Variants in SAMD9L observed in about 807,000 individuals in gnomAD.
SAMD9L encodes the protein sterile alpha motif domain containing 9 like.
A neutral mutation model predicts 90.7 loss-of-function variants in SAMD9L; 68 were observed. The ratio of observed to expected loss-of-function variants is 0.75; its 90% confidence interval spans 0.62 to 0.92. The LOEUF is 0.92. Ranked by LOEUF, SAMD9L falls within the 40% of genes least tolerant of loss-of-function variation. SAMD9L has a pLI of 0.00. For synonymous variants in SAMD9L, 640 were observed against 630.1 expected (o/e 1.02, Z -0.23); for missense variants, 1,604 against 1,824.3 (o/e 0.88, Z 2.20).
chr7:93,139,140 G>T (rs1313880248), intron 4 of SAMD9L, among the ~76,000 whole-genome samples: 1 of 152,108 alleles, frequency 6.6e-6, no homozygotes, highest in Non-Finnish European at 1.5e-5. Flanking sequence ...GAGGACACTT[G>T]TGTCCTCAGA....
chr7:93,137,991 T>G (rs960650185), intron 4 of SAMD9L, among the ~76,000 whole-genome samples: 2 of 152,160 alleles, frequency 1.3e-5, no homozygotes, highest in East Asian at 1.9e-4. Context: ...TCTATAGGCA[T>G]GCAACCACTG....
Position 93,131,093 on chromosome 7 carries a change from G to T in SAMD9L, c.*124C>A. The T allele has an allele frequency of 3.3e-6, 2 of 600,710 alleles. No individual in the cohort carries two copies. The highest frequency in any genetic ancestry group is 5.3e-6 in the Non-Finnish European group (2 of 378,636). The allele number at this position is 600,710 out of a possible 1,614,324, so 37.2% of individuals were successfully genotyped here. On this transcript the variant is annotated 3_prime_UTR_variant, in exon 5 of 5. Transcript: ENST00000318238. ...AAAGGCTTGTAATTCATTCAGGGAG[G>T]CAAAAGCAAAATCTGTAATTAGAGG...
In SAMD9L at chr7:93,133,364, CA is replaced by C. The variant is rs779246898; in HGVS notation, c.2607del (p.Phe869LeufsTer5). On this transcript the variant is annotated frameshift_variant, in exon 5 of 5. Transcript: ENST00000318238. LOFTEE classifies it high-confidence loss of function. ...YQLSSKEQRA[F>X]GAKLKEIEKQ... ...TTTTCAATTTCCTTCAGTTTGGCACCAAAAGCTCTTTGTTCCTTGGAAGAAA... is the reference window on the plus strand; with the variant it reads ...TTTTCAATTTCCTTCAGTTTGGCACCAAAGCTCTTTGTTCCTTGGAAGAAA... The C allele has an allele frequency of 3.6e-5, 58 of 1,613,374 alleles. No individual in the cohort carries two copies. In the Admixed American group the frequency reaches 9.3e-4, roughly 26 times the overall value.
Position 93,131,184 on chromosome 7 carries a change from T to G in SAMD9L, c.*33A>C. The G allele has an allele frequency of 8.4e-7, 1 of 1,187,880 alleles. No homozygotes were observed. The highest frequency in any genetic ancestry group is 1.2e-6 in the Non-Finnish European group (1 of 849,348). The allele number at this position is 1,187,880 out of a possible 1,614,324, so 73.6% of individuals were successfully genotyped here. A position where few individuals can be genotyped will look rare whatever the true frequency, so the allele number is the denominator to read the frequency against. ...GAGAATAAAATCATAAAGATATAAA[T>G]AAACGTATTTGAACTACAGGTGATG... On this transcript the variant is annotated 3_prime_UTR_variant, in exon 5 of 5. Transcript: ENST00000318238.
At position 93,134,315 on chromosome 7, in the gene SAMD9L, C is replaced by T. The variant is rs1323955308; in HGVS notation, c.1657G>A (p.Val553Met). Reference sequence around the variant, plus strand: ...ATGAGTGGATCTCCTGGGCTTTCCACTGAAGAGAGTAATAGAAACACTACC... The same window carrying T: ...ATGAGTGGATCTCCTGGGCTTTCCATTGAAGAGAGTAATAGAAACACTACC... ...FLVVFLLLSSVESPGDPLIET... is the reference protein window; with the variant it reads ...FLVVFLLLSSMESPGDPLIET... Residue 553 changes from valine (V) to methionine (M), a missense_variant, in exon 5 of 5, where the codon GTG becomes ATG. Physicochemically the swap from Val to Met is conservative, Grantham distance 21. Around this residue, in one of 7 missense-constraint regions of SAMD9L, gnomAD observed 606 missense variants for 717.6 expected, o/e 0.84. Coordinates refer to ENST00000318238, the MANE Select transcript of SAMD9L (RefSeq NM_152703.5). The T allele has an allele frequency of 1.2e-6, 2 of 1,612,116 alleles. No homozygotes were observed. The highest frequency in any genetic ancestry group is 1.7e-5 in the Admixed American group (1 of 59,648).
Position 93,130,120 on chromosome 7 carries a change from T to C in SAMD9L, c.*1097A>G, listed in dbSNP as rs918609369. 1 of 152,238 alleles carries C rather than the reference T, an allele frequency of 6.6e-6. No homozygotes were observed. The highest frequency in any genetic ancestry group is 2.4e-5 in the African/African-American group (1 of 41,460). The allele number at this position is 152,238 out of a possible 1,614,324, so 9.4% of individuals were successfully genotyped here. On this transcript the variant is annotated 3_prime_UTR_variant, in exon 5 of 5. Coordinates refer to ENST00000318238, the MANE Select transcript of SAMD9L (RefSeq NM_152703.5). ...ATCTATATTAGCCTATGTTTCACTTTATAGGCAATGCGTAGTTCTTAAATT... is the reference window on the plus strand; with the variant it reads ...ATCTATATTAGCCTATGTTTCACTTCATAGGCAATGCGTAGTTCTTAAATT...
rs142436298 is a variant in SAMD9L, at chr7:93,134,086, C to A, written c.1886G>T (p.Arg629Leu). ...STILKLKSVTRSSRRFLPARG... is the reference protein window; with the variant it reads ...STILKLKSVTLSSRRFLPARG... ...GGCGGGCAAAAACCTTCTTGATGAC[C>A]GAGTCACCGATTTTAGTTTAAGGAT... is the stretch of plus-strand genomic sequence containing the variant. Residue 629 changes from arginine to leucine, a missense_variant, in exon 5 of 5, where the codon CGG becomes CTG. By Grantham distance (102) the Arg-to-Leu change is moderately radical. This residue lies in a region of SAMD9L where 606 missense variants were observed against 717.6 expected (regional missense o/e 0.84). Coordinates refer to ENST00000318238, the MANE Select transcript of SAMD9L (RefSeq NM_152703.5). The A allele has an allele frequency of 1.9e-6, 3 of 1,613,788 alleles. No homozygotes were observed. The South Asian group carries it at 3.3e-5, about 18-fold the overall frequency.
In SAMD9L at chr7:93,132,422, T is replaced by C; in HGVS notation, c.3550A>G (p.Lys1184Glu). The C allele has an allele frequency of 6.2e-7, 1 of 1,613,774 alleles. No individual in the cohort carries two copies. The highest frequency in any genetic ancestry group is 8.5e-7 in the Non-Finnish European group (1 of 1,179,826). The change falls in exon 5 of 5, where the codon AAG becomes GAG. Residue 1184 changes from lysine (K) to glutamate (E), a missense_variant. Physicochemically the swap from Lys to Glu is moderately conservative, Grantham distance 56. Coordinates refer to ENST00000318238, the MANE Select transcript of SAMD9L (RefSeq NM_152703.5). ...TACATGTCATATCGTCTCTGGGACT[T>C]CTGTGGTGACCAGTTCTCGGTTTCA... ...NYETENWSPQ[K>E]SQRRYDMYNT... is the part of the protein sequence containing the mutation.
In SAMD9L at chr7:93,134,864, A is replaced by C; in HGVS notation, c.1108T>G (p.Leu370Val). 1 of 1,613,924 alleles carries C rather than the reference A, an allele frequency of 6.2e-7. No individual in the cohort carries two copies. The highest frequency in any genetic ancestry group is 8.5e-7 in the Non-Finnish European group (1 of 1,179,898). ...TTTCTAGATGCTACCAGTGACTTTA[A>C]ATTTTGTAAAAATGCCTTGAAATCT... ...DVDFKAFLQN[L>V]KSLVASRKEA... The change falls in exon 5 of 5, where the codon TTA becomes GTA. Residue 370 changes from leucine to valine, a missense_variant. Around this residue, in one of 7 missense-constraint regions of SAMD9L, gnomAD observed 606 missense variants for 717.6 expected, o/e 0.84. Coordinates refer to ENST00000318238, the MANE Select transcript of SAMD9L (RefSeq NM_152703.5).
intron 4 of SAMD9L, among the ~76,000 whole-genome samples, chr7:93,136,923 T>C (rs148039888): frequency 5.9e-5 from 9 of 152,302 alleles, no homozygotes; most frequent in East Asian, 5.8e-4. Context: ...CAGTGGTTCT[T>C]AAGGTGTGGT....
At position 93,133,583 on chromosome 7, in the gene SAMD9L, G is replaced by T. The variant is rs1285443100; in HGVS notation, c.2389C>A (p.Pro797Thr). 1.2e-6 allele frequency: 2 copies of T among 1,613,858 alleles called. No homozygotes were observed. The highest frequency in any genetic ancestry group is 3.3e-5 in the Admixed American group (2 of 59,988). Residue 797 changes from proline (P) to threonine (T), a missense_variant, in exon 5 of 5, where the codon CCT becomes ACT. Transcript: ENST00000318238. ...AAATCATCCACAAGGAGAAGCACAG[G>T]AATGTAATCCTGATGGCTCTTTGCC... ...YRAKSHQDYI[P>T]VLLLVDDFEE...
chr7:93,136,465 C>G (rs1378158977), intron 4 of SAMD9L, among the ~76,000 whole-genome samples: 2 of 152,144 alleles, frequency 1.3e-5, no homozygotes, highest in Admixed American at 1.3e-4. Flanking sequence ...GTTAAATAAT[C>G]TGTTTTCTTT....
Position 93,132,302 on chromosome 7 carries a change from A to T in SAMD9L, c.3670T>A (p.Ser1224Thr). ...TPFFHKENEL[S>T]KKHMVQFLSG... ...AAAAATTGCACCATATGTTTTTTGGATAATTCATTTTCTTTGTGGAAAAAG... is the reference window on the plus strand; with the variant it reads ...AAAAATTGCACCATATGTTTTTTGGTTAATTCATTTTCTTTGTGGAAAAAG... The change falls in exon 5 of 5, where the codon TCC becomes ACC. Residue 1224 changes from serine (S) to threonine (T), a missense_variant. This residue lies in a region of SAMD9L where 302 missense variants were observed against 314.7 expected (regional missense o/e 0.96). Transcript: ENST00000318238. 6.2e-7 allele frequency: 1 copy of T among 1,613,698 alleles called. No homozygotes were observed. The highest frequency in any genetic ancestry group is 1.3e-5 in the African/African-American group (1 of 74,984).
Position 93,133,401 on chromosome 7 carries a change from TAG to T in SAMD9L, c.2569_2570del (p.Leu857LysfsTer20). 6.2e-7 allele frequency: 1 copy of T among 1,613,826 alleles called. No individual in the cohort carries two copies. Among genetic ancestry groups the T allele is most frequent in the Non-Finnish European group, 8.5e-7 (1 of 1,179,758 alleles). ...ESAKLADSIA[L>X]NYQLSSKEQR... is the part of the protein sequence containing the mutation. Reference sequence around the variant, plus strand: ...GTTCCTTGGAAGAAAGTTGGTAATTTAGTGCAATACTGTCTGCCAATTTTGCA... The same window carrying T: ...GTTCCTTGGAAGAAAGTTGGTAATTTTGCAATACTGTCTGCCAATTTTGCA... On this transcript the variant is annotated frameshift_variant, in exon 5 of 5. Transcript: ENST00000318238. LOFTEE classifies it high-confidence loss of function.
At chr7:93,145,011 A>G (rs1792836964) in intron 3 of SAMD9L, among the ~76,000 whole-genome samples, 178 bp from the exon 4 acceptor site, 1 of 152,188 alleles carries the variant, frequency 6.6e-6, no homozygotes, top group Non-Finnish European at 1.5e-5. Flanking sequence ...AGAGTATGGC[A>G]TAGCTGCACA....
intron 4 of SAMD9L, among the ~76,000 whole-genome samples, chr7:93,140,487 C>T (rs1353062624): frequency 1.3e-5 from 2 of 152,210 alleles, no homozygotes; most frequent in Non-Finnish European, 2.9e-5. Flanking sequence ...TATTTCTCTG[C>T]GTTAGTCAAC....
At position 93,131,658 on chromosome 7, in the gene SAMD9L, A is replaced by C. The variant is rs1436575547; in HGVS notation, c.4314T>G (p.Asn1438Lys). 1.9e-6 allele frequency: 3 copies of C among 1,613,816 alleles called. No homozygotes were observed. In the Admixed American group the frequency reaches 5.0e-5, roughly 27 times the overall value. Residue 1438 changes from asparagine to lysine, a missense_variant, in exon 5 of 5, where the codon AAT becomes AAG. Transcript: ENST00000318238. ...GTTTGGAATCTTGATCTAGCTCTTGATTTTCTGGCCAGAACAGGAGGCAGG... is the reference window on the plus strand; with the variant it reads ...GTTTGGAATCTTGATCTAGCTCTTGCTTTTCTGGCCAGAACAGGAGGCAGG... Reference protein sequence around the residue: ...FLACLLFWPENQELDQDSKLI... With the variant: ...FLACLLFWPEKQELDQDSKLI...
rs181466556 is a variant in SAMD9L, at chr7:93,131,579, G to A, written c.4393C>T (p.Arg1465Cys). 76 of 1,613,866 alleles carry A rather than the reference G, an allele frequency of 4.7e-5. 1 individual carries two copies. The highest frequency in any genetic ancestry group is 2.3e-4 in the Admixed American group (14 of 59,992). ...LNRSFRGQYKRMCRSKQASTL... is the reference protein window; with the variant it reads ...LNRSFRGQYKCMCRSKQASTL... ...CTTGCCTGCTTGGACCTGCACATGC[G>A]CTTGTACTGTCCCCTGAAGGATCTA... Residue 1465 changes from arginine (R) to cysteine (C), a missense_variant, in exon 5 of 5, where the codon CGC becomes TGC. Transcript: ENST00000318238.
rs34330527 is a variant in SAMD9L, at chr7:93,138,431, T to TCACA, written c.-20-2444_-20-2441dup. ...GGAGAAGATAAAAAAAGGAAATAAG[T>TCACA]CACACACACACACACACACTCAGAA... On this transcript the variant is annotated intron_variant, in intron 4 of 4. Coordinates refer to ENST00000318238, the MANE Select transcript of SAMD9L (RefSeq NM_152703.5). 2.9e-3 allele frequency among the ~76,000 whole-genome samples: 431 copies of TCACA among 150,272 alleles called. 7 individuals carry two copies. The East Asian group carries it at 0.033, about 11-fold the overall frequency.
Sources: gnomAD v4.1 joint callset for allele counts (sites outside exome capture counted in the v4.1 genomes callset) on GRCh38, gnomAD v4.1.1 for gene constraint, gnomAD v4.1.1 regional missense constraint, MANE v1.5 for transcripts, NCBI Gene and HGNC (gene_info 2026-07-23, HGNC 2026-07-21) for gene names.